Variants in SVOP observed in about 807,000 individuals in gnomAD.
SVOP encodes synaptic vesicle 2-related protein.
In SVOP, 17 loss-of-function variants were observed where a neutral mutation model predicts 69.1. The ratio of observed to expected loss-of-function variants is 0.25; its 90% CI spans 0.17 to 0.37. The LOEUF is 0.37. Ranked by LOEUF, SVOP falls within the 10% of genes least tolerant of loss-of-function variation. The pLI is 1.00. For missense variants in SVOP, 435 were observed against 597.5 expected (o/e 0.73, Z 2.84); for synonymous variants, 238 against 238.6 (o/e 1.00, Z 0.02).
rs1463250844 is a variant in SVOP, at chr12:108,982,399, TATC to T, written c.196+1199_196+1201del. On this transcript the variant is annotated intron_variant, in intron 2 of 15. Transcript: ENST00000610966. ...CCATCCTTATCACCATCTTCATCAC[TATC>T]ATCATCATCACCATCACCATCATCA... Among the ~76,000 whole-genome samples the T allele has an allele frequency of 1.1e-3, 159 of 143,392 alleles. 2 individuals carry two copies. Among genetic ancestry groups the T allele is most frequent in the Admixed American group, 4.4e-3 (63 of 14,300 alleles). The allele number at this position is 143,392 out of a possible 152,430, so 94.1% of individuals were successfully genotyped here.
At chr12:108,915,758 C>A in intron 15 of SVOP, 25 bp downstream of exon 15, 1 of 1,583,762 alleles carries the variant, frequency 6.3e-7, no homozygotes, top group East Asian at 2.3e-5. Flanking sequence ...CCCCCCATCC[C>A]TCTGTATTTG....
In SVOP at chr12:108,936,975, T is replaced by C. The variant is rs188790307; in HGVS notation, c.971+289A>G. 557 of 374,796 alleles carry C rather than the reference T, an allele frequency of 1.5e-3. 6 individuals carry two copies. Among genetic ancestry groups the C allele is most frequent in the African/African-American group, 0.011 (508 of 48,368 alleles). The allele number at this position is 374,796 out of a possible 1,614,324, so 23.2% of individuals were successfully genotyped here. A position where few individuals can be genotyped will look rare whatever the true frequency, so the allele number is the denominator to read the frequency against. On this transcript the variant is annotated intron_variant, in intron 10 of 15. Coordinates refer to ENST00000610966, the MANE Select transcript of SVOP (RefSeq NM_018711.5). The stretch of plus-strand genomic sequence containing the variant: ...ATTTGGGGAGGCTGAGGAGGGAGGA[T>C]TGCTTGAGTTCAGGAGTTCAAGGCT...
chr12:108,953,755 G>C (rs999290054), intron 6 of SVOP, among the ~76,000 whole-genome samples: 3 of 152,050 alleles, frequency 2.0e-5, no homozygotes, highest in African/African-American at 7.2e-5. Context: ...TGGCTCTCTT[G>C]GGTGGCTAAA....
chr12:109,009,148 G>C (rs888333598), intron 1 of SVOP, among the ~76,000 whole-genome samples: 14 of 151,606 alleles, frequency 9.2e-5, no homozygotes, highest in Admixed American at 6.6e-5. Flanking sequence ...TTTTAGTAGA[G>C]ACAGGGTTTT....
chr12:108,994,120 C>T (rs1034104937), intron 1 of SVOP, among the ~76,000 whole-genome samples: 1 of 152,178 alleles, frequency 6.6e-6, no homozygotes, highest in Non-Finnish European at 1.5e-5. Flanking sequence ...TTAAATGTCC[C>T]GTGCTGCCAC....
intron 14 of SVOP, among the ~76,000 whole-genome samples, chr12:108,917,808 T>C (rs1375945357): frequency 6.6e-6 from 1 of 151,996 alleles, no homozygotes; most frequent in Non-Finnish European, 1.5e-5. Context: ...ACAGCCTGGC[T>C]CATTTTTATT....
chr12:108,977,491 A>G lies in SVOP; in HGVS notation c.288T>C (p.Ala96=). ...TGAGGATCATCATCTCCATGGCATCAGCCATCTGCAGAGAGGACGGAGACA... is the reference window on the plus strand; with the variant it reads ...TGAGGATCATCATCTCCATGGCATCGGCCATCTGCAGAGAGGACGGAGACA... ...LSVLTGLAWM[A]DAMEMMILSI... The change falls in exon 4 of 16, where the codon GCT becomes GCC. Residue 96 remains alanine, a synonymous_variant. Transcript: ENST00000610966. The G allele has an allele frequency of 3.3e-6, 5 of 1,528,140 alleles. No individual in the cohort carries two copies. The highest frequency in any genetic ancestry group is 4.4e-6 in the Non-Finnish European group (5 of 1,138,580). 94.7% of individuals were successfully genotyped at this position (1,528,140 alleles called of 1,614,324 possible).
chr12:108,913,450 G>A (rs1358005462), intron 15 of SVOP, among the ~76,000 whole-genome samples: 1 of 152,182 alleles, frequency 6.6e-6, no homozygotes, highest in Non-Finnish European at 1.5e-5. Context: ...ATTTTACAAA[G>A]GAGAAAACTG....
chr12:108,943,597 C>CAA (rs775201650), intron 7 of SVOP, among the ~76,000 whole-genome samples: 4 of 49,374 alleles, frequency 8.1e-5, no homozygotes, highest in South Asian at 8.5e-4. Flanking sequence ...AACTCTGTCT[C>CAA]ACAAAAAAAA....
intron 1 of SVOP, among the ~76,000 whole-genome samples, chr12:108,995,809 G>A (rs999097219): frequency 4.0e-5 from 6 of 151,604 alleles, no homozygotes; most frequent in African/African-American, 1.5e-4. Flanking sequence ...CTGAGGGCAG[G>A]ACAATCGCTT....
chr12:108,923,028 A>G (rs79429370), intron 11 of SVOP, among the ~76,000 whole-genome samples: 5,413 of 152,282 alleles, frequency 0.036, 144 homozygotes, highest in Middle Eastern at 0.099. Context: ...CACCATGTAA[A>G]GGGATTGAGA....
intron 11 of SVOP, among the ~76,000 whole-genome samples, chr12:108,929,563 C>T (rs542453925): frequency 6.6e-6 from 1 of 152,300 alleles, no homozygotes; most frequent in South Asian, 2.1e-4. Flanking sequence ...CCCACTTTTG[C>T]CTCCCAAGGT....
intron 11 of SVOP, among the ~76,000 whole-genome samples, chr12:108,927,212 G>A (rs906061442): frequency 1.3e-5 from 2 of 152,170 alleles, no homozygotes; most frequent in Admixed American, 1.3e-4. Flanking sequence ...ATTGCTATGA[G>A]TAATATGGTC....
At chr12:108,982,304 A>G (rs2040140713) in intron 2 of SVOP, among the ~76,000 whole-genome samples, 1 of 150,396 alleles carries the variant, frequency 6.6e-6, no homozygotes, top group African/African-American at 2.5e-5. Flanking sequence ...CACCACCACC[A>G]CCATCATTTT....
intron 1 of SVOP, among the ~76,000 whole-genome samples, chr12:109,016,725 C>A (rs983045474): frequency 6.7e-6 from 1 of 150,034 alleles, no homozygotes; most frequent in Non-Finnish European, 1.5e-5. Flanking sequence ...AGTTTCCTTA[C>A]CTGTACCCTG....
At chr12:108,989,757 A>G (rs2040188779) in intron 1 of SVOP, among the ~76,000 whole-genome samples, 1 of 152,242 alleles carries the variant, frequency 6.6e-6, no homozygotes, top group Admixed American at 6.5e-5. Flanking sequence ...CATATCTGCT[A>G]CAAAGAAGTT....
At chr12:108,937,486 T>TACAGG in intron 9 of SVOP, 149 bp from the exon 10 acceptor site, 1 of 776,586 alleles carries the variant, frequency 1.3e-6, no homozygotes, top group South Asian at 1.5e-5. Context: ...GTCTCAAATC[T>TACAGG]ACAGGACGCA....
chr12:108,935,148 A>G (rs1223131980), intron 10 of SVOP, among the ~76,000 whole-genome samples: 1 of 152,216 alleles, frequency 6.6e-6, no homozygotes, highest in East Asian at 1.9e-4. Flanking sequence ...AAACAGCCCC[A>G]TTAATATCTT....
At chr12:109,006,261 C>A (rs1478054135) in intron 1 of SVOP, among the ~76,000 whole-genome samples, 1 of 152,112 alleles carries the variant, frequency 6.6e-6, no homozygotes, top group Non-Finnish European at 1.5e-5. Context: ...CCATGTTGGC[C>A]AGAAAGGTCT....
Sources: gnomAD v4.1 joint callset for allele counts (sites outside exome capture counted in the v4.1 genomes callset) on GRCh38, gnomAD v4.1.1 for gene constraint, MANE v1.5 for transcripts, NCBI Gene and HGNC (gene_info 2026-07-23, HGNC 2026-07-21) for gene names.